Variants in DNAH14 observed in about 807,000 individuals in gnomAD.
DNAH14 encodes axonemal beta dynein heavy chain 14.
Under a neutral mutation model 520.9 loss-of-function variants are expected in DNAH14, and 478 were observed. The ratio of observed to expected loss-of-function variants is 0.92; its 90% CI spans 0.85 to 0.99. The LOEUF (loss-of-function observed/expected upper bound fraction) is 0.99, where lower values mean the gene tolerates loss of function less well. Ranked by LOEUF, DNAH14 falls within the 50% of genes least tolerant of loss-of-function variation. DNAH14 has a pLI of 0.00. For missense variants in DNAH14, 4,831 were observed against 5,234.5 expected, an observed-to-expected ratio of 0.92 and a Z score of 2.38; for synonymous variants, 1,581 against 1,757.2, an observed-to-expected ratio of 0.90 and a Z score of 2.51.
chr1:225,100,962 G>C (rs2075393260), intron 23 of DNAH14, 78 bp downstream of exon 23: 2 of 1,188,136 alleles, frequency 1.7e-6, no homozygotes, highest in Non-Finnish European at 2.3e-6. Flanking sequence ...ATCTACTGCA[G>C]AAGCTAATTC....
intron 41 of DNAH14, among the ~76,000 whole-genome samples, chr1:225,224,678 A>T (rs1165886445): frequency 6.6e-6 from 1 of 152,216 alleles, no homozygotes; most frequent in East Asian, 1.9e-4. Context: ...CTACAAAAGT[A>T]GTTCACTCCC....
At chr1:225,189,801 G>A (rs75285378) in intron 37 of DNAH14, among the ~76,000 whole-genome samples, 7,430 of 151,970 alleles carry the variant, frequency 0.049, 282 homozygotes, top group Non-Finnish European at 0.072. Context: ...GATTACTGAT[G>A]ATGGACTTTT....
chr1:225,102,159 C>T (rs1028162230), intron 23 of DNAH14, among the ~76,000 whole-genome samples: 23 of 150,688 alleles, frequency 1.5e-4, no homozygotes, highest in Admixed American at 4.0e-4. Context: ...TTTCTCCTTG[C>T]GATAGTTTGC....
Position 225,258,054 on chromosome 1 carries a change from C to T in DNAH14, c.6960C>T (p.Asp2320=). The part of the protein sequence containing the change: ...GECINYTATR[D]TTCLSFLMSL... ...GCATTAATTATACCGCTACCAGAGACACAACATGCCTTTCTTTTCTCATGA... is the reference window on the plus strand; with the variant it reads ...GCATTAATTATACCGCTACCAGAGATACAACATGCCTTTCTTTTCTCATGA... The change falls in exon 45 of 86, where the codon GAC becomes GAT. Residue 2320 remains aspartate, a synonymous_variant. Transcript: ENST00000682510. The T allele has an allele frequency of 1.3e-6, 2 of 1,550,022 alleles. No individual in the cohort carries two copies. Among genetic ancestry groups the T allele is most frequent in the Non-Finnish European group, 1.7e-6 (2 of 1,146,408 alleles).
chr1:225,108,619 C>T (rs2076269455), intron 23 of DNAH14, among the ~76,000 whole-genome samples: 3 of 152,058 alleles, frequency 2.0e-5, no homozygotes, highest in Admixed American at 2.0e-4. Flanking sequence ...TTATTAATCC[C>T]TTGTCAGATG....
chr1:224,977,095 C>T (rs1203851075), intron 8 of DNAH14, among the ~76,000 whole-genome samples: 1 of 151,546 alleles, frequency 6.6e-6, no homozygotes, highest in African/African-American at 2.4e-5. Flanking sequence ...ACCCAAATGT[C>T]CAACAATGAT....
chr1:225,307,343 T>C, intron 58 of DNAH14, 118 bp from the exon 59 acceptor site: 1 of 704,580 alleles, frequency 1.4e-6, no homozygotes, highest in Non-Finnish European at 2.4e-6. Flanking sequence ...CAGTCTTGCA[T>C]CTCTAGAATA....
At chr1:225,143,640 ACT>A (rs1376190481) in intron 28 of DNAH14, among the ~76,000 whole-genome samples, 1 of 152,178 alleles carries the variant, frequency 6.6e-6, no homozygotes, top group Non-Finnish European at 1.5e-5. Context: ...ACCTGCCTCC[ACT>A]TGTAATTCAA....
chr1:225,206,936 A>T, intron 40 of DNAH14, 32 bp from the exon 41 acceptor site: 1 of 1,412,550 alleles, frequency 7.1e-7, no homozygotes, highest in Non-Finnish European at 9.3e-7. Context: ...TTATTTATTT[A>T]CATAAGATTA....
chr1:225,197,581 G>T (rs1422870029), intron 38 of DNAH14, among the ~76,000 whole-genome samples: 1 of 152,170 alleles, frequency 6.6e-6, no homozygotes, highest in East Asian at 1.9e-4. Context: ...TGTGAAGAAT[G>T]ATAGTGGTAT....
rs1208611633 is a variant in DNAH14 at position 225,351,873 on chromosome 1, A to C, written c.11523A>C (p.Pro3841=). The C allele has an allele frequency of 6.4e-7, 1 of 1,550,556 alleles. No individual in the cohort carries two copies. Among genetic ancestry groups the C allele is most frequent in the Non-Finnish European group, 8.7e-7 (1 of 1,146,286 alleles). ...ENASLEENTK[P]PEETELLNEN... Reference sequence around the variant, plus strand: ...CTTCATTGGAGGAAAATACAAAACCACCAGAGGAAAGTAAGAAAGCATTCA... The same window carrying C: ...CTTCATTGGAGGAAAATACAAAACCCCCAGAGGAAAGTAAGAAAGCATTCA... Residue 3841 remains proline, a synonymous_variant, in exon 72 of 86, where the codon CCA becomes CCC. Coordinates refer to ENST00000682510, the MANE Select transcript of DNAH14 (RefSeq NM_001367479.1).
intron 60 of DNAH14, among the ~76,000 whole-genome samples, chr1:225,308,740 C>A (rs1346975533): frequency 3.9e-5 from 6 of 152,206 alleles, no homozygotes. Context: ...AGAAACGAGG[C>A]AGCTCAAGGG....
chr1:225,079,270 C>T lies in DNAH14; in HGVS notation c.2488C>T (p.His830Tyr). 1.3e-6 allele frequency: 2 copies of T among 1,548,346 alleles called. No homozygotes were observed. Among genetic ancestry groups the T allele is most frequent in the Non-Finnish European group, 1.7e-6 (2 of 1,146,284 alleles). Reference sequence around the variant, plus strand: ...CACTGAAATAGAAGAATTTCTGGAGCATTTTATTTTTTTGAATGCAATTTC... The same window carrying T: ...CACTGAAATAGAAGAATTTCTGGAGTATTTTATTTTTTTGAATGCAATTTC... ...DPTEIEEFLE[H>Y]FIFLNAISSK... The change falls in exon 18 of 86, where the codon CAT (histidine) becomes TAT (tyrosine). Residue 830 changes from histidine to tyrosine, a missense_variant. By Grantham distance (83) the His-to-Tyr change is moderately conservative. Transcript: ENST00000682510.
intron 52 of DNAH14, among the ~76,000 whole-genome samples, chr1:225,274,295 T>C (rs985622894): frequency 6.7e-6 from 1 of 148,664 alleles, no homozygotes; most frequent in Non-Finnish European, 1.5e-5. Flanking sequence ...AGCTCCGCCT[T>C]CCGGGTTCAC....
intron 66 of DNAH14, among the ~76,000 whole-genome samples, chr1:225,335,290 C>G (rs528597703): frequency 0.063 from 6,086 of 96,892 alleles, 808 homozygotes; most frequent in East Asian, 0.1. Flanking sequence ...TGTATATGCA[C>G]ATATACACAT....
intron 17 of DNAH14, among the ~76,000 whole-genome samples, chr1:225,068,474 G>A: frequency 6.6e-6 from 1 of 151,970 alleles, no homozygotes; most frequent in Non-Finnish European, 1.5e-5. Context: ...GTTTTCTCTA[G>A]TTCTGTGAAG....
In DNAH14 at chr1:224,964,559, A is replaced by G. The variant is rs2061039468; in HGVS notation, c.448A>G (p.Ser150Gly). Residue 150 changes from serine to glycine, a missense_variant, in exon 5 of 86, where the codon AGT becomes GGT. By Grantham distance (56) the Ser-to-Gly change is moderately conservative. Transcript: ENST00000682510. Reference protein sequence around the residue: ...LGWQTILPQHSLKYGSSKIAI... With the variant: ...LGWQTILPQHGLKYGSSKIAI... The stretch of plus-strand genomic sequence containing the variant: ...TTGGCAAACTATATTACCGCAGCAC[A>G]GTTTGAAATACGGAAGCTCCAAAAT... 6.2e-7 allele frequency: 1 copy of G among 1,606,624 alleles called. No homozygotes were observed. Among genetic ancestry groups the G allele is most frequent in the Admixed American group, 1.7e-5 (1 of 59,774 alleles).
chr1:225,099,436 C>G (rs2075263584), intron 22 of DNAH14, among the ~76,000 whole-genome samples: 1 of 152,040 alleles, frequency 6.6e-6, no homozygotes, highest in Non-Finnish European at 1.5e-5. Context: ...TTCACAAAGT[C>G]TGGAAACATT....
intron 61 of DNAH14, among the ~76,000 whole-genome samples, chr1:225,322,111 G>A (rs1487243371): frequency 2.5e-5 from 1 of 39,434 alleles, no homozygotes. Context: ...TTTTTTTTGA[G>A]ACAGTGTCTC....
Sources: allele counts gnomAD v4.1 joint callset (sites outside exome capture counted in the v4.1 genomes callset), GRCh38; gene constraint gnomAD v4.1.1; transcripts MANE v1.5; gene names NCBI Gene and HGNC (gene_info 2026-07-23, HGNC 2026-07-21).